Variants in CTNND2 observed in about 807,000 individuals in gnomAD.
The protein encoded by CTNND2 is catenin delta 2, also known as catenin delta-2.
In CTNND2, 22 loss-of-function variants were observed where a neutral mutation model predicts 144.4. The ratio of observed to expected loss-of-function variants is 0.15; its 90% CI spans 0.11 to 0.22. The LOEUF (loss-of-function observed/expected upper bound fraction) is 0.22, where lower values mean the gene tolerates loss of function less well. CTNND2 is among the 10% of genes least tolerant of loss of function. CTNND2 has a pLI of 1.00. For missense variants in CTNND2, 1,353 were observed against 1,618.8 expected, an observed-to-expected ratio of 0.84 and a Z score of 2.82; for synonymous variants, 751 against 695.6, an observed-to-expected ratio of 1.08 and a Z score of -1.25.
intron 1 of CTNND2, among the ~76,000 whole-genome samples, chr5:11,823,611 T>C (rs1793439189): frequency 6.6e-6 from 1 of 152,230 alleles, no homozygotes; most frequent in African/African-American, 2.4e-5. Context: ...GTATATGCTA[T>C]ACTTTTTTAT....
At chr5:11,699,765 A>G (rs935312460) in intron 2 of CTNND2, among the ~76,000 whole-genome samples, 5 of 152,332 alleles carry the variant, frequency 3.3e-5, no homozygotes, top group African/African-American at 1.2e-4. Context: ...AAGTAAAAAT[A>G]TTTTCTAGAG....
chr5:11,830,158 C>G (rs1444308792), intron 1 of CTNND2, among the ~76,000 whole-genome samples: 1 of 152,196 alleles, frequency 6.6e-6, no homozygotes, highest in Non-Finnish European at 1.5e-5. Flanking sequence ...TACGGGCTCA[C>G]AGGCAGAAGG....
At chr5:11,815,078 T>C in intron 1 of CTNND2, among the ~76,000 whole-genome samples, 1 of 152,244 alleles carries the variant, frequency 6.6e-6, no homozygotes, top group South Asian at 2.1e-4. Context: ...AAATTATATC[T>C]AAACATACAA....
chr5:11,446,297 C>T (rs962412028), intron 3 of CTNND2, among the ~76,000 whole-genome samples: 2 of 152,152 alleles, frequency 1.3e-5, no homozygotes, highest in Non-Finnish European at 2.9e-5. Context: ...TTAATGAAAT[C>T]GGTAGCTTGA....
At chr5:11,768,684 G>A (rs1440739066) in intron 1 of CTNND2, among the ~76,000 whole-genome samples, 1 of 152,188 alleles carries the variant, frequency 6.6e-6, no homozygotes, top group African/African-American at 2.4e-5. Context: ...ACTGCATCTT[G>A]TGATCACATA....
At chr5:11,647,747 C>G (rs1290155350) in intron 2 of CTNND2, among the ~76,000 whole-genome samples, 1 of 152,084 alleles carries the variant, frequency 6.6e-6, no homozygotes, top group Non-Finnish European at 1.5e-5. Flanking sequence ...ACACTCTGTC[C>G]CTTGACAATT....
chr5:11,507,036 G>A (rs1396698497), intron 3 of CTNND2, among the ~76,000 whole-genome samples: 1 of 152,124 alleles, frequency 6.6e-6, no homozygotes, highest in African/African-American at 2.4e-5. Flanking sequence ...TCTTATATCT[G>A]ATCCTTTCTT....
At chr5:11,481,542 G>T (rs569545588) in intron 3 of CTNND2, among the ~76,000 whole-genome samples, 11 of 152,256 alleles carry the variant, frequency 7.2e-5, no homozygotes, top group African/African-American at 2.6e-4. Context: ...GGTCAAGGTT[G>T]CAGTGAGCCA....
chr5:11,872,245 G>A (rs1391829722), intron 1 of CTNND2, among the ~76,000 whole-genome samples: 2 of 152,106 alleles, frequency 1.3e-5, no homozygotes, highest in East Asian at 3.9e-4. Flanking sequence ...AGTATTCCAT[G>A]GTGTATACGT....
At chr5:11,293,368 C>G (rs1748568182) in intron 9 of CTNND2, among the ~76,000 whole-genome samples, 1 of 152,086 alleles carries the variant, frequency 6.6e-6, no homozygotes, top group Non-Finnish European at 1.5e-5. Flanking sequence ...GAAACTTGAA[C>G]ATAATTCATT....
intron 3 of CTNND2, among the ~76,000 whole-genome samples, chr5:11,461,886 A>G (rs985765854): frequency 6.6e-6 from 1 of 152,176 alleles, no homozygotes; most frequent in African/African-American, 2.4e-5. Flanking sequence ...TTAAAAATCT[A>G]CACAAGAATA....
intron 14 of CTNND2, among the ~76,000 whole-genome samples, chr5:11,102,315 G>A (rs981714586): frequency 1.3e-5 from 2 of 152,158 alleles, no homozygotes; most frequent in Non-Finnish European, 2.9e-5. Flanking sequence ...GTGTAATACT[G>A]AACCTCCTCT....
At chr5:11,277,032 A>C (rs1561137748) in intron 9 of CTNND2, among the ~76,000 whole-genome samples, 1 of 152,256 alleles carries the variant, frequency 6.6e-6, no homozygotes, top group African/African-American at 2.4e-5. Flanking sequence ...AATTGGTCAC[A>C]GCAAAGCCCA....
At chr5:11,103,740 CT>C (rs1752144638) in intron 14 of CTNND2, among the ~76,000 whole-genome samples, 1 of 150,346 alleles carries the variant, frequency 6.7e-6, no homozygotes, top group Non-Finnish European at 1.5e-5. Context: ...AAAAAAAAGA[CT>C]TTGTAAACAT....
At chr5:11,079,767 C>T (rs986528995) in intron 16 of CTNND2, among the ~76,000 whole-genome samples, 25 of 152,154 alleles carry the variant, frequency 1.6e-4, no homozygotes, top group African/African-American at 6.0e-4. Context: ...AATCACAACC[C>T]TAAACTGGAT....
rs558905045 is a variant in CTNND2 at position 11,322,335 on chromosome 5, C to T, written c.1628+24037G>A. The stretch of plus-strand genomic sequence containing the variant: ...TCCCAAAGTTTCTTGAAGATGCAGA[C>T]GTATCTTACTCATCTTGGTAATTTT... On this transcript the variant is annotated intron_variant, in intron 9 of 21. Transcript: ENST00000304623. 4.6e-5 allele frequency among the ~76,000 whole-genome samples: 7 copies of T among 152,236 alleles called. No individual in the cohort carries two copies. The South Asian group carries it at 1.0e-3, about 23-fold the overall frequency.
At chr5:11,139,747 C>T (rs1756527614) in intron 12 of CTNND2, among the ~76,000 whole-genome samples, 1 of 152,234 alleles carries the variant, frequency 6.6e-6, no homozygotes. Flanking sequence ...AACAAATTAA[C>T]ACAAACTTAG....
chr5:11,643,716 C>T (rs541989717), intron 2 of CTNND2, among the ~76,000 whole-genome samples: 7 of 151,966 alleles, frequency 4.6e-5, no homozygotes, highest in African/African-American at 1.7e-4. Flanking sequence ...AATGGGATTA[C>T]TTATTATTGT....
chr5:11,375,997 C>A (rs974744238), intron 7 of CTNND2, among the ~76,000 whole-genome samples: 4 of 151,998 alleles, frequency 2.6e-5, no homozygotes, highest in South Asian at 4.2e-4. Context: ...GTGATGAGGT[C>A]ATGAGGGTGG....
Sources: gnomAD v4.1 joint callset for allele counts (sites outside exome capture counted in the v4.1 genomes callset) on GRCh38, gnomAD v4.1.1 for gene constraint, MANE v1.5 for transcripts, NCBI Gene and HGNC (gene_info 2026-07-23, HGNC 2026-07-21) for gene names.